Variants in EFHC2 observed in about 807,000 individuals in gnomAD.
EFHC2 encodes the protein EF-hand domain containing 2, also known as EF-hand domain-containing family member C2.
A neutral mutation model predicts 52.7 loss-of-function variants in EFHC2; 18 were observed. The observed-to-expected ratio is 0.34, with a 90% CI of 0.24 to 0.51. The LOEUF (loss-of-function observed/expected upper bound fraction) is 0.51, where lower values mean the gene tolerates loss of function less well. EFHC2 is among the 20% of genes least tolerant of loss of function. The pLI, the probability that EFHC2 is intolerant of heterozygous loss-of-function variation, is 0.97. For synonymous variants in EFHC2, 203 were observed against 204.1 expected, an observed-to-expected ratio of 0.99 and a Z score of 0.04; for missense variants, 513 against 562.5, an observed-to-expected ratio of 0.91 and a Z score of 0.89.
At chrX:44,229,182 A>T (rs1205890363) in intron 11 of EFHC2, among the ~76,000 whole-genome samples, 2 of 112,718 alleles carry the variant, frequency 1.8e-5, no homozygotes, top group African/African-American at 6.4e-5. Context: ...ATATGTGTGT[A>T]AGCACATGTA....
intron 4 of EFHC2, among the ~76,000 whole-genome samples, chrX:44,260,310 G>A (rs183864529): frequency 8.6e-4 from 96 of 111,455 alleles, no homozygotes; most frequent in African/African-American, 2.9e-3. Flanking sequence ...GGAAACAAGT[G>A]ACAATGATGG....
chrX:44,210,016 A>G (rs1310408135), intron 11 of EFHC2, among the ~76,000 whole-genome samples: 2 of 109,859 alleles, frequency 1.8e-5, no homozygotes, highest in African/African-American at 6.6e-5. Context: ...ATTAATTATT[A>G]TATATTATAA....
chrX:44,340,389 C>T (rs906727817), intron 1 of EFHC2, among the ~76,000 whole-genome samples: 1 of 111,504 alleles, frequency 9.0e-6, no homozygotes, highest in African/African-American at 3.3e-5. Context: ...CGGTGGCTCA[C>T]GCCTGTAATC....
At chrX:44,221,763 C>T (rs148147717) in intron 11 of EFHC2, among the ~76,000 whole-genome samples, 3,174 of 111,715 alleles carry the variant, frequency 0.028, 72 homozygotes, top group Admixed American at 0.094. Context: ...ACAATATTGT[C>T]TTCCCATTCA....
At chrX:44,197,225 C>G (rs925573812) in intron 11 of EFHC2, among the ~76,000 whole-genome samples, 1 of 111,918 alleles carries the variant, frequency 8.9e-6, no homozygotes, top group Non-Finnish European at 1.9e-5. Context: ...TAGGAATGCC[C>G]TGTCAATATG....
intron 11 of EFHC2, among the ~76,000 whole-genome samples, chrX:44,229,207 C>T (rs770076413): frequency 8.9e-6 from 1 of 112,645 alleles, no homozygotes; most frequent in Non-Finnish European, 1.9e-5. Flanking sequence ...CAGATGCATA[C>T]ATATCACCTT....
chrX:44,167,099 T>C (rs1471788849), intron 13 of EFHC2, among the ~76,000 whole-genome samples: 2 of 111,921 alleles, frequency 1.8e-5, no homozygotes, highest in Non-Finnish European at 3.8e-5. Context: ...AAGACCCAAC[T>C]TAATCTGGCT....
At chrX:44,296,324 C>T (rs12559662) in intron 2 of EFHC2, among the ~76,000 whole-genome samples, 18,587 of 111,142 alleles carry the variant, frequency 0.17, 1,460 homozygotes, top group Admixed American at 0.28. Context: ...TAGACCAGAA[C>T]TGAAAATAGT....
chrX:44,317,518 G>T (rs767281238), intron 1 of EFHC2, among the ~76,000 whole-genome samples: 2 of 112,898 alleles, frequency 1.8e-5, no homozygotes, highest in East Asian at 5.6e-4. Flanking sequence ...TGGCACAGTG[G>T]CTCACACCTG....
intron 11 of EFHC2, among the ~76,000 whole-genome samples, chrX:44,226,813 C>T (rs1049537643): frequency 5.5e-5 from 6 of 108,803 alleles, no homozygotes; most frequent in Non-Finnish European, 1.1e-4. Flanking sequence ...TTGATGGGTG[C>T]AGCAAACCAC....
At chrX:44,170,013 G>T (rs1569275367) in intron 13 of EFHC2, among the ~76,000 whole-genome samples, 1 of 111,554 alleles carries the variant, frequency 9.0e-6, no homozygotes, top group Non-Finnish European at 1.9e-5. Flanking sequence ...TGGGTCTGGG[G>T]GGTGGAGAAG....
intron 11 of EFHC2, among the ~76,000 whole-genome samples, chrX:44,181,785 A>G (rs1212055378): frequency 8.9e-6 from 1 of 112,714 alleles, no homozygotes; most frequent in Non-Finnish European, 1.9e-5. Context: ...ATCAGGATGT[A>G]CAAGCCTCAC....
chrX:44,161,403 GGTGGTTACCAGCGCCTGGA>G (rs2036653927), intron 14 of EFHC2, among the ~76,000 whole-genome samples: 2 of 112,033 alleles, frequency 1.8e-5, no homozygotes. Flanking sequence ...GGCACATGAG[GGTGGTTACCAGCGCCTGGA>G]GTGACCAGCC....
At chrX:44,149,000 C>T in intron 14 of EFHC2, 104 bp from the exon 15 acceptor site, 1 of 676,715 alleles carries the variant, frequency 1.5e-6, no homozygotes, top group Non-Finnish European at 2.3e-6. Context: ...CTACCATCTA[C>T]TTTAGGTTCA....
Position 44,148,858 on chromosome X carries a change from A to G in EFHC2, c.2187T>C (p.Ile729=). The change falls in exon 15 of 15, where the codon ATT becomes ATC. Residue 729 remains isoleucine (I), a synonymous_variant. Coordinates refer to ENST00000420999, the MANE Select transcript of EFHC2 (RefSeq NM_025184.4). The part of the protein sequence containing the change: ...EDVWLGMPSP[I]PAKYIDYWTF... Reference sequence around the variant, plus strand: ...TCCAGTAGTCAATGTATTTCGCAGGAATAGGTGATGGCATACCAAGCCAAA... The same window carrying G: ...TCCAGTAGTCAATGTATTTCGCAGGGATAGGTGATGGCATACCAAGCCAAA... The G allele has an allele frequency of 8.4e-7, 1 of 1,186,910 alleles. No homozygotes were observed.
Position 44,176,396 on chromosome X carries a change from C to T in EFHC2, c.1950-12G>A. On this transcript the variant is annotated splice_polypyrimidine_tract_variant and intron_variant, in intron 12 of 14. Coordinates refer to ENST00000420999, the MANE Select transcript of EFHC2 (RefSeq NM_025184.4). ...GTAATACATTTTTTCTGCATTAAAA[C>T]AACGTAAATGAGCTTTTATATACCT... The T allele has an allele frequency of 8.8e-7, 1 of 1,136,085 alleles. No homozygotes were observed. The highest frequency in any genetic ancestry group is 1.2e-6 in the Non-Finnish European group (1 of 841,346). 93.6% of individuals were successfully genotyped at this position (1,136,085 alleles called of 1,213,427 possible). A position where few individuals can be genotyped will look rare whatever the true frequency, so the allele number is the denominator to read the frequency against.
intron 14 of EFHC2, among the ~76,000 whole-genome samples, chrX:44,154,658 C>G (rs1158342047): frequency 9.1e-6 from 1 of 110,257 alleles, no homozygotes; most frequent in African/African-American, 3.3e-5. Context: ...GAGCCATGAT[C>G]GCACCACTAC....
At chrX:44,176,866 A>T (rs1426285510) in intron 12 of EFHC2, among the ~76,000 whole-genome samples, 1 of 111,704 alleles carries the variant, frequency 9.0e-6, no homozygotes, top group African/African-American at 3.3e-5. Context: ...TATTCACTTC[A>T]ATTTTTTCAG....
chrX:44,195,191 T>C (rs2036954296), intron 11 of EFHC2, among the ~76,000 whole-genome samples: 1 of 112,056 alleles, frequency 8.9e-6, no homozygotes, highest in Non-Finnish European at 1.9e-5. Context: ...GACGTGGAAG[T>C]CAAAGTGTGC....
Sources: gnomAD v4.1 joint callset for allele counts (sites outside exome capture counted in the v4.1 genomes callset) on GRCh38, gnomAD v4.1.1 for gene constraint, MANE v1.5 for transcripts, NCBI Gene and HGNC (gene_info 2026-07-23, HGNC 2026-07-21) for gene names.